Variants in HHIPL1 observed in about 807,000 individuals in gnomAD.
The protein encoded by HHIPL1 is HHIP-like protein 1.
In HHIPL1, 43 loss-of-function variants were observed where a neutral mutation model predicts 61.8. The observed-to-expected ratio is 0.70, with a 90% CI of 0.55 to 0.90. The LOEUF (loss-of-function observed/expected upper bound fraction) is 0.90. HHIPL1 is among the 40% of genes least tolerant of loss of function. The pLI is 0.00. For missense variants in HHIPL1, 1,056 were observed against 1,157.7 expected, an observed-to-expected ratio of 0.91 and a Z score of 1.28; for synonymous variants, 482 against 515.8, an observed-to-expected ratio of 0.93 and a Z score of 0.89.
In HHIPL1 at chr14:99,675,900, C is replaced by G. The variant is rs995239186; in HGVS notation, c.*274C>G. ...TCTTACCTCCAAGCGTTTCAGACAC[C>G]AGCAGGAACAGCAGCCGGGCTGTGG... is the stretch of plus-strand genomic sequence containing the variant. On this transcript the variant is annotated 3_prime_UTR_variant, in exon 9 of 9. Coordinates refer to ENST00000330710, the MANE Select transcript of HHIPL1 (RefSeq NM_001127258.3). This position sits in a 1 kb window ranked among gnomAD's most constrained non-coding sequence, Gnocchi z 5.4. 4.7e-5 allele frequency: 18 copies of G among 380,170 alleles called. No homozygotes were observed. The highest frequency in any genetic ancestry group is 3.1e-4 in the African/African-American group (15 of 47,962). 23.5% of individuals were successfully genotyped at this position (380,170 alleles called of 1,614,324 possible).
intron 1 of HHIPL1, among the ~76,000 whole-genome samples, chr14:99,647,143 T>A (rs4905877): frequency 0.18 from 27,955 of 151,868 alleles, 2,999 homozygotes; most frequent in Non-Finnish European, 0.24. Flanking sequence ...TGAAGCGAGC[T>A]CATATCTTAG....
In HHIPL1 at chr14:99,659,488, C is replaced by T. The variant is rs1041353597; in HGVS notation, c.1107C>T (p.Pro369=). 1.9e-6 allele frequency: 3 copies of T among 1,538,512 alleles called. No individual in the cohort carries two copies. Among genetic ancestry groups the T allele is most frequent in the Admixed American group, 1.9e-5 (1 of 51,704 alleles). ...TGGACCGTAAGGAGCGCGGCCTGCCCTACGGCATCCCGCCCGACAACCCGT... is the reference window on the plus strand; with the variant it reads ...TGGACCGTAAGGAGCGCGGCCTGCCTTACGGCATCCCGCCCGACAACCCGT... ...IDVDRKERGL[P]YGIPPDNPFV... The change falls in exon 4 of 9, where the codon CCC becomes CCT. Residue 369 remains proline, a synonymous_variant. Coordinates refer to ENST00000330710, the MANE Select transcript of HHIPL1 (RefSeq NM_001127258.3).
At chr14:99,656,824 AAAGAAAGAAAGAAAGGAAGG>A (rs2056041762) in intron 2 of HHIPL1, among the ~76,000 whole-genome samples, 156 bp from the exon 3 acceptor site, 1 of 38,662 alleles carries the variant, frequency 2.6e-5, no homozygotes, top group African/African-American at 1.1e-4. Flanking sequence ...AGAAAGAAAG[AAAGAAAGAAAGAAAGGAAGG>A]AAGGAAGGAA....
the HHIPL1 span, among the ~76,000 whole-genome samples, chr14:99,611,706 G>GCA: frequency 4.6e-5 from 7 of 150,944 alleles, no homozygotes; most frequent in East Asian, 1.4e-3. Context: ...GGGATTTCAG[G>GCA]TGGGAGCCAC....
chr14:99,657,914 CACAT>C (rs1448944000), intron 3 of HHIPL1, among the ~76,000 whole-genome samples: 2 of 151,688 alleles, frequency 1.3e-5, no homozygotes, highest in Admixed American at 6.6e-5. Context: ...CATGTACACA[CACAT>C]ACACACATAC....
the HHIPL1 span, among the ~76,000 whole-genome samples, chr14:99,632,933 G>A: frequency 2.0e-5 from 3 of 151,934 alleles, no homozygotes; most frequent in East Asian, 5.8e-4. Flanking sequence ...ATGTATGGAT[G>A]GGGGAGTGAG....
chr14:99,659,554 G>A lies in HHIPL1; in HGVS notation c.1173G>A (p.Leu391=). ...CGGCGCAGCCCGAGGTCTACGCCCT[G>A]GGCGTGCGCAACATGTGGCGCTGCT... The part of the protein sequence containing the change: ...DPAAQPEVYA[L]GVRNMWRCSF... The change falls in exon 4 of 9, where the codon CTG becomes CTA. Residue 391 remains leucine (L), a synonymous_variant. Transcript: ENST00000330710. The A allele has an allele frequency of 5.8e-6, 9 of 1,549,402 alleles. No homozygotes were observed. The highest frequency in any genetic ancestry group is 1.4e-5 in the African/African-American group (1 of 72,774).
chr14:99,664,636 T>C (rs1272522972), intron 6 of HHIPL1, among the ~76,000 whole-genome samples: 1 of 152,158 alleles, frequency 6.6e-6, no homozygotes, highest in Non-Finnish European at 1.5e-5. Context: ...CCACTTCTGC[T>C]TCTCTAATTG....
intron 7 of HHIPL1, chr14:99,669,024 C>A: frequency 7.2e-7 from 1 of 1,385,630 alleles, no homozygotes; most frequent in Non-Finnish European, 9.8e-7. Context: ...TGGCTGTGTG[C>A]CTTCACCTCA....
At position 99,652,740 on chromosome 14, in the gene HHIPL1, C is replaced by G. The variant is rs1260181848; in HGVS notation, c.772C>G (p.Pro258Ala). 30 of 1,614,052 alleles carry G rather than the reference C, an allele frequency of 1.9e-5. No homozygotes were observed. The highest frequency in any genetic ancestry group is 2.5e-5 in the Non-Finnish European group (30 of 1,180,040). Residue 258 changes from proline to alanine, a missense_variant, in exon 2 of 9, where the codon CCC becomes GCC. Pro to Ala is a conservative substitution (Grantham distance 27, BLOSUM62 -1). Coordinates refer to ENST00000330710, the MANE Select transcript of HHIPL1 (RefSeq NM_001127258.3). ...ERGFLGIAFH[P>A]SFQHNRRLYV... ...TGGCTTCCTGGGCATTGCCTTCCAC[C>G]CCAGCTTCCAGCACAACCGCAGGCT...
chr14:99,659,586 A>G lies in HHIPL1; in HGVS notation c.1205A>G (p.Asp402Gly). ...GVRNMWRCSF[D>G]RGDPSSGTGR... is the part of the protein sequence containing the mutation. ...CGCAACATGTGGCGCTGCTCCTTCG[A>G]CCGTGGCGACCCCTCCTCGGGCACT... Residue 402 changes from aspartate to glycine, a missense_variant, in exon 4 of 9, where the codon GAC becomes GGC. Coordinates refer to ENST00000330710, the MANE Select transcript of HHIPL1 (RefSeq NM_001127258.3). The G allele has an allele frequency of 1.3e-6, 2 of 1,552,078 alleles. No homozygotes were observed. Among genetic ancestry groups the G allele is most frequent in the Non-Finnish European group, 1.7e-6 (2 of 1,151,980 alleles).
At chr14:99,631,982 G>A in the HHIPL1 span, among the ~76,000 whole-genome samples, 1 of 152,200 alleles carries the variant, frequency 6.6e-6, no homozygotes, top group Non-Finnish European at 1.5e-5. Flanking sequence ...CTTGGGATGG[G>A]GGCCTGGGAC....
chr14:99,629,312 A>T, the HHIPL1 span, among the ~76,000 whole-genome samples: 1,783 of 151,784 alleles, frequency 0.012, 46 homozygotes, highest in African/African-American at 0.041. Flanking sequence ...GAACATACAT[A>T]AAAAAAACAT....
At chr14:99,622,865 C>T in the HHIPL1 span, among the ~76,000 whole-genome samples, 1 of 152,254 alleles carries the variant, frequency 6.6e-6, no homozygotes, top group Non-Finnish European at 1.5e-5. Context: ...GTGAGGATCA[C>T]AGGCCAAGAG....
chr14:99,634,070 CG>C, the HHIPL1 span, among the ~76,000 whole-genome samples: 2 of 152,162 alleles, frequency 1.3e-5, no homozygotes, highest in African/African-American at 2.4e-5. Flanking sequence ...GGCTGCAGAG[CG>C]TTTCTGCAGA....
the HHIPL1 span, among the ~76,000 whole-genome samples, chr14:99,621,161 C>T: frequency 2.6e-5 from 4 of 151,124 alleles, no homozygotes; most frequent in African/African-American, 9.9e-5. Flanking sequence ...TGCAGTGGTG[C>T]AATCTCAGCT....
chr14:99,633,162 A>G, the HHIPL1 span, among the ~76,000 whole-genome samples: 2 of 152,176 alleles, frequency 1.3e-5, no homozygotes, highest in Non-Finnish European at 2.9e-5. Flanking sequence ...ATCAGCCCCA[A>G]CTGAGACATG....
the HHIPL1 span, among the ~76,000 whole-genome samples, chr14:99,612,862 T>C: frequency 1.1e-4 from 16 of 152,170 alleles, no homozygotes; most frequent in Non-Finnish European, 2.1e-4. Flanking sequence ...GTCCCAGGCC[T>C]TGGGTGCTGC....
chr14:99,653,916 C>A (rs2055982365), intron 2 of HHIPL1, among the ~76,000 whole-genome samples: 1 of 152,208 alleles, frequency 6.6e-6, no homozygotes, highest in African/African-American at 2.4e-5. Flanking sequence ...GGCTCAGACG[C>A]AGTGGCTCAC....
Sources: allele counts gnomAD v4.1 joint callset (sites outside exome capture counted in the v4.1 genomes callset), GRCh38; gene constraint gnomAD v4.1.1; non-coding constraint Gnocchi (gnomAD v3.1); transcripts MANE v1.5; gene names NCBI Gene and HGNC (gene_info 2026-07-23, HGNC 2026-07-21).